PIGZ: variants seen among roughly 807,000 people sequenced by gnomAD.
PIGZ encodes the protein phosphatidylinositol glycan anchor biosynthesis class Z (Gwada blood group), also known as GPI alpha-1,2-mannosyltransferase 4.
In PIGZ, 16 loss-of-function variants were observed where a neutral mutation model predicts 16.4. The observed-to-expected ratio is 0.97, with a 90% CI of 0.66 to 1.48. The LOEUF (loss-of-function observed/expected upper bound fraction) is 1.48, where lower values mean the gene tolerates loss of function less well. PIGZ is among the 40% of genes most tolerant of loss of function. The pLI, the probability that PIGZ is intolerant of heterozygous loss-of-function variation, is 0.00. For synonymous variants in PIGZ, 409 were observed against 338.4 expected, an observed-to-expected ratio of 1.21 and a Z score of -2.29; for missense variants, 770 against 739.2, an observed-to-expected ratio of 1.04 and a Z score of -0.48.
intron 1 of PIGZ, among the ~76,000 whole-genome samples, chr3:196,961,262 A>G (rs191686986): frequency 6.6e-6 from 1 of 152,348 alleles, no homozygotes; most frequent in Admixed American, 6.5e-5. Flanking sequence ...ACGGGACAGA[A>G]GTAGTAGCTC....
chr3:196,954,120 CA>C (rs1413565307), intron 1 of PIGZ, among the ~76,000 whole-genome samples: 1 of 151,888 alleles, frequency 6.6e-6, no homozygotes, highest in Non-Finnish European at 1.5e-5. Flanking sequence ...CTGTCTTTAC[CA>C]AAAAAATACA....
At chr3:196,960,737 G>GAGAAAGAAAGAAAAAAAGAA (rs1553839869) in intron 1 of PIGZ, among the ~76,000 whole-genome samples, 4 of 140,394 alleles carry the variant, frequency 2.8e-5, no homozygotes, top group African/African-American at 1.1e-4. Flanking sequence ...AAGAAAGAAA[G>GAGAAAGAAAGAAAAAAAGAA]AGAAAGAAAG....
chr3:196,967,019 G>T (rs1362064240), intron 1 of PIGZ, among the ~76,000 whole-genome samples: 1 of 151,966 alleles, frequency 6.6e-6, no homozygotes, highest in African/African-American at 2.4e-5. Context: ...GGCATCCCGC[G>T]CGCCTGTGTG....
chr3:196,966,809 AATTC>A (rs919238269), intron 1 of PIGZ, among the ~76,000 whole-genome samples: 1 of 152,120 alleles, frequency 6.6e-6, no homozygotes, highest in African/African-American at 2.4e-5. Context: ...CCTGCTCATT[AATTC>A]ATTCATTCAT....
rs374682106 is a variant in PIGZ at position 196,948,661 on chromosome 3, G to A, written c.236C>T (p.Ala79Val). The change falls in exon 3 of 3, where the codon GCG becomes GTG. Residue 79 changes from alanine to valine, a missense_variant. Ala to Val is a moderately conservative substitution (Grantham distance 64). Transcript: ENST00000412723. ...MAEDILGVQA[A>V]RPWEFYPSSS... ...GCTGGGGTAAAACTCCCAGGGCCGC[G>A]CGGCCTGAACGCCCAGGATGTCCTC... is the stretch of plus-strand genomic sequence containing the variant. The A allele has an allele frequency of 9.4e-5, 137 of 1,461,092 alleles. No homozygotes were observed. The highest frequency in any genetic ancestry group is 1.1e-4 in the Non-Finnish European group (124 of 1,109,042). The allele number at this position is 1,461,092 out of a possible 1,614,324, so 90.5% of individuals were successfully genotyped here. A position where few individuals can be genotyped will look rare whatever the true frequency, so the allele number is the denominator to read the frequency against.
chr3:196,967,769 C>T (rs1042122571), intron 1 of PIGZ, among the ~76,000 whole-genome samples: 5 of 152,188 alleles, frequency 3.3e-5, no homozygotes, highest in South Asian at 2.1e-4. Context: ...CGTGTTTATC[C>T]TTCGCTTCAC....
intron 2 of PIGZ, among the ~76,000 whole-genome samples, chr3:196,948,950 TC>T (rs1560181175): frequency 4.6e-5 from 1 of 21,672 alleles, no homozygotes; most frequent in Non-Finnish European, 8.1e-5. Context: ...TTCCTTCCCC[TC>T]CCCTCCCTTC....
intron 2 of PIGZ, among the ~76,000 whole-genome samples, chr3:196,950,405 G>T (rs565071771): frequency 3.7e-4 from 56 of 152,340 alleles, no homozygotes; most frequent in African/African-American, 1.3e-3. Context: ...GAGGGGTGGG[G>T]GCGCGGGAGC....
Position 196,955,435 on chromosome 3 carries a change from T to G in PIGZ, c.1-3404A>C, listed in dbSNP as rs77448519. Among the ~76,000 whole-genome samples the G allele has an allele frequency of 1.4e-4, 21 of 152,250 alleles. 2 individuals are homozygous for G. In the East Asian group the frequency reaches 4.0e-3, roughly 29 times the overall value. On this transcript the variant is annotated intron_variant, in intron 1 of 2. Coordinates refer to ENST00000412723, the MANE Select transcript of PIGZ (RefSeq NM_025163.4). The stretch of plus-strand genomic sequence containing the variant: ...TGGAAAATTGAATATCTTATCATTA[T>G]ATAGTAATCTTTTAATCTCTAGTTC...
In PIGZ at chr3:196,951,871, G is replaced by A. The variant is rs753710603; in HGVS notation, c.161C>T (p.Thr54Met). 3.2e-5 allele frequency: 51 copies of A among 1,614,190 alleles called. No individual in the cohort carries two copies. The highest frequency in any genetic ancestry group is 3.6e-5 in the Non-Finnish European group (43 of 1,180,040). Residue 54 changes from threonine (T) to methionine (M), a missense_variant, in exon 2 of 3, where the codon ACG becomes ATG. Physicochemically the swap from Thr to Met is moderately conservative, Grantham distance 81. Transcript: ENST00000412723. ...LRVLWCLLPQ[T>M]GYVHPDEFFQ... is the part of the protein sequence containing the mutation. The stretch of plus-strand genomic sequence containing the variant: ...GAACTCATCTGGGTGCACATAGCCC[G>A]TCTGCGGAAGGAGACACCACAGCAC...
In PIGZ at chr3:196,948,649, TCCCAGGGCCGCGCGGCCTGAACG is replaced by T; in HGVS notation, c.225_247del (p.Gln77LeufsTer97). 1.4e-6 allele frequency: 2 copies of T among 1,470,780 alleles called. No individual in the cohort carries two copies. Among genetic ancestry groups the T allele is most frequent in the South Asian group, 1.4e-5 (1 of 70,574 alleles). The allele number at this position is 1,470,780 out of a possible 1,614,324, so 91.1% of individuals were successfully genotyped here. A position where few individuals can be genotyped will look rare whatever the true frequency, so the allele number is the denominator to read the frequency against. Reference sequence around the variant, plus strand: ...GCGGCAGGAGCTGCTGGGGTAAAACTCCCAGGGCCGCGCGGCCTGAACGCCCAGGATGTCCTCTGCAGAGAGAG... The same window carrying T: ...GCGGCAGGAGCTGCTGGGGTAAAACTCCCAGGATGTCCTCTGCAGAGAGAG... On this transcript the variant is annotated frameshift_variant, in exon 3 of 3. Coordinates refer to ENST00000412723, the MANE Select transcript of PIGZ (RefSeq NM_025163.4). LOFTEE classifies it low-confidence loss of function (END_TRUNC).
At position 196,948,401 on chromosome 3, in the gene PIGZ, A is replaced by G; in HGVS notation, c.496T>C (p.Tyr166His). The G allele has an allele frequency of 1.2e-6, 2 of 1,614,140 alleles. No individual in the cohort carries two copies. Among genetic ancestry groups the G allele is most frequent in the Non-Finnish European group, 1.7e-6 (2 of 1,180,014 alleles). The change falls in exon 3 of 3, where the codon TAC becomes CAC. Residue 166 changes from tyrosine to histidine, a missense_variant. Coordinates refer to ENST00000412723, the MANE Select transcript of PIGZ (RefSeq NM_025163.4). ...CTTGTGTAGAAGACCAGGGTGACGT[A>G]GGAACCAGACAGCAGGGCCAGGGCG... Reference protein sequence around the residue: ...WNALALLSGSYVTLVFYTRTF... With the variant: ...WNALALLSGSHVTLVFYTRTF...
At chr3:196,956,049 T>C (rs543615161) in intron 1 of PIGZ, among the ~76,000 whole-genome samples, 13 of 151,954 alleles carry the variant, frequency 8.6e-5, no homozygotes, top group African/African-American at 1.2e-4. Context: ...TGCTATAAAA[T>C]ACCATATATT....
intron 1 of PIGZ, among the ~76,000 whole-genome samples, chr3:196,966,358 T>C (rs563959287): frequency 5.3e-5 from 8 of 152,362 alleles, no homozygotes; most frequent in African/African-American, 1.9e-4. Context: ...TATGCAGACA[T>C]AAGTGGTTGC....
In PIGZ at chr3:196,947,306, C is replaced by T. The variant is rs146219795; in HGVS notation, c.1591G>A (p.Val531Met). The stretch of plus-strand genomic sequence containing the variant: ...TTGAAGGGGAAGCTGCACTTCTCCA[C>T]GGCACGCCTGGTGGTGCCAGGGGTT... Reference protein sequence around the residue: ...VVTPGTTRRAVEKCSFPFKNE... With the variant: ...VVTPGTTRRAMEKCSFPFKNE... The change falls in exon 3 of 3, where the codon GTG (valine) becomes ATG (methionine). Residue 531 changes from valine to methionine, a missense_variant. Coordinates refer to ENST00000412723, the MANE Select transcript of PIGZ (RefSeq NM_025163.4). 807 of 1,614,028 alleles carry T rather than the reference C, an allele frequency of 5.0e-4. 1 individual carries two copies. Among genetic ancestry groups the T allele is most frequent in the Non-Finnish European group, 6.3e-4 (746 of 1,180,014 alleles).
At chr3:196,949,857 C>G (rs1717197165) in intron 2 of PIGZ, among the ~76,000 whole-genome samples, 1 of 152,068 alleles carries the variant, frequency 6.6e-6, no homozygotes, top group African/African-American at 2.4e-5. Flanking sequence ...TGTCCTTACA[C>G]CTGTCAAGCT....
chr3:196,960,126 T>C (rs1717649659), intron 1 of PIGZ, among the ~76,000 whole-genome samples: 1 of 152,230 alleles, frequency 6.6e-6, no homozygotes, highest in Non-Finnish European at 1.5e-5. Flanking sequence ...GTTCTACAGG[T>C]GGCTTTACAG....
intron 1 of PIGZ, among the ~76,000 whole-genome samples, chr3:196,962,258 T>C (rs1717749946): frequency 6.6e-6 from 1 of 152,162 alleles, no homozygotes; most frequent in African/African-American, 2.4e-5. Flanking sequence ...TTGTTAACAA[T>C]GTGTTTGAAG....
chr3:196,951,643 G>A (rs1717286997), intron 2 of PIGZ, 178 bp downstream of exon 2: 1 of 631,812 alleles, frequency 1.6e-6, no homozygotes, highest in African/African-American at 1.8e-5. Context: ...CACCACTCGG[G>A]AAGGAGATAT....
Sources: gnomAD v4.1 joint callset for allele counts (sites outside exome capture counted in the v4.1 genomes callset) on GRCh38, gnomAD v4.1.1 for gene constraint, MANE v1.5 for transcripts, NCBI Gene and HGNC (gene_info 2026-07-23, HGNC 2026-07-21) for gene names.